PCDHGA1: variants seen among roughly 807,000 people sequenced by gnomAD.
PCDHGA1 encodes the protein protocadherin gamma-A1.
In PCDHGA1, 32 loss-of-function variants were observed where a neutral mutation model predicts 58.0. That is an observed-to-expected ratio of 0.55 (90% CI 0.42 to 0.74). The LOEUF is 0.74. PCDHGA1 is among the 30% of genes least tolerant of loss of function. The probability of loss-of-function intolerance (pLI) is 0.00; values close to 1 mark genes in which losing one functional copy is unlikely to be tolerated. For synonymous variants in PCDHGA1, 498 were observed against 501.1 expected (o/e 0.99, Z 0.08); for missense variants, 1,205 against 1,182.3 (o/e 1.02, Z -0.28).
intron 3 of PCDHGA1, among the ~76,000 whole-genome samples, chr5:141,509,568 C>T (rs535982453): frequency 3.3e-5 from 5 of 152,336 alleles, no homozygotes; most frequent in Admixed American, 2.0e-4. Flanking sequence ...GCAGCCTTCA[C>T]AGTGCGTACA....
Position 141,333,124 on chromosome 5 carries a change from T to A in PCDHGA1, c.2421+19T>A, listed in dbSNP as rs1756446741. ...TTCTCAGGTAAACTTTTGTGATGAA[T>A]GTATCAGCTATCTAGAGAAAAATAA... On this transcript the variant is annotated intron_variant, in intron 1 of 3. Coordinates refer to ENST00000517417, the MANE Select transcript of PCDHGA1 (RefSeq NM_018912.3). 1 of 1,614,144 alleles carries A rather than the reference T, an allele frequency of 6.2e-7. No individual in the cohort carries two copies. Among genetic ancestry groups the A allele is most frequent in the Middle Eastern group, 1.6e-4 (1 of 6,062 alleles).
chr5:141,371,704 C>A, intron 1 of PCDHGA1: 1 of 1,614,030 alleles, frequency 6.2e-7, no homozygotes, highest in Non-Finnish European at 8.5e-7. Context: ...TCCAGCAAGA[C>A]CATCACTCTG....
chr5:141,404,676 T>G lies in PCDHGA1; in HGVS notation c.2421+71571T>G, dbSNP rs904942152. The stretch of plus-strand genomic sequence containing the variant: ...CTCCCCACTGATGGTTCTACTGGTG[T>G]GGAGCTGGCACCCCGCTCTGCAGAG... On this transcript the variant is annotated intron_variant, in intron 1 of 3. Transcript: ENST00000517417. 3.1e-6 allele frequency: 5 copies of G among 1,614,010 alleles called. No individual in the cohort carries two copies. In the African/African-American group the frequency reaches 6.7e-5, roughly 22 times the overall value.
chr5:141,367,678 G>A (rs1215387701), intron 1 of PCDHGA1: 1 of 152,144 alleles, frequency 6.6e-6, no homozygotes, highest in Non-Finnish European at 1.5e-5. Context: ...GGCTTGTTGA[G>A]AGAAGAAATC....
At chr5:141,500,509 G>A (rs1048476645) in intron 2 of PCDHGA1, among the ~76,000 whole-genome samples, 19 of 152,100 alleles carry the variant, frequency 1.2e-4, no homozygotes, top group South Asian at 4.2e-4. Context: ...GCGCCTGGCC[G>A]AGCTTCATTT....
chr5:141,356,299 G>C (rs1226901970), intron 1 of PCDHGA1: 9 of 1,554,702 alleles, frequency 5.8e-6, no homozygotes, highest in Non-Finnish European at 7.0e-6. Flanking sequence ...TACAGTAATT[G>C]CACTTTTCAA....
chr5:141,333,497 A>G (rs1588440298), intron 1 of PCDHGA1: 4 of 305,118 alleles, frequency 1.3e-5, no homozygotes, highest in Non-Finnish European at 2.4e-5. Flanking sequence ...TTTTCTTTTT[A>G]TAAGTACCTG....
At chr5:141,417,851 G>A (rs1196210157) in intron 1 of PCDHGA1, 1 of 1,543,512 alleles carries the variant, frequency 6.5e-7, no homozygotes, top group Non-Finnish European at 8.8e-7. Flanking sequence ...GCGAGAACCC[G>A]AGCGAACGAT....
intron 1 of PCDHGA1, chr5:141,350,936 T>A: frequency 6.2e-7 from 1 of 1,614,102 alleles, no homozygotes; most frequent in Non-Finnish European, 8.5e-7. Context: ...CACCCATATC[T>A]GGATCCGAGT....
At chr5:141,388,655 G>A (rs375260597) in intron 1 of PCDHGA1, 1 of 1,613,808 alleles carries the variant, frequency 6.2e-7, no homozygotes, top group Non-Finnish European at 8.5e-7. Flanking sequence ...ACGTGTACCC[G>A]GGGACCACGG....
intron 1 of PCDHGA1, chr5:141,352,782 G>C (rs2149771321): frequency 9.0e-7 from 1 of 1,105,830 alleles, no homozygotes; most frequent in African/African-American, 1.6e-5. Context: ...TTGAGGTCAG[G>C]AGTTTGAGAC....
chr5:141,388,355 C>T (rs1204433407), intron 1 of PCDHGA1: 6 of 1,613,954 alleles, frequency 3.7e-6, no homozygotes, highest in Non-Finnish European at 5.1e-6. Flanking sequence ...TAGGATCTGC[C>T]CATGATGCGG....
intron 1 of PCDHGA1, chr5:141,390,019 G>T (rs1047341984): frequency 1.9e-6 from 3 of 1,614,002 alleles, no homozygotes; most frequent in Non-Finnish European, 2.5e-6. Flanking sequence ...ATTGCCTTGC[G>T]CCTGCGACGC....
intron 1 of PCDHGA1, chr5:141,383,561 C>A: frequency 5.0e-6 from 8 of 1,613,196 alleles, no homozygotes; most frequent in Non-Finnish European, 6.8e-6. Context: ...GGCGACCCGC[C>A]CCGATCCAGC....
chr5:141,357,501 C>G, intron 1 of PCDHGA1: 1 of 1,614,254 alleles, frequency 6.2e-7, no homozygotes, highest in South Asian at 1.1e-5. Context: ...GGAAGAGTCA[C>G]CTGATCTTCT....
chr5:141,414,613 G>A (rs957641063), intron 1 of PCDHGA1: 2 of 1,613,988 alleles, frequency 1.2e-6, no homozygotes, highest in East Asian at 4.5e-5. Flanking sequence ...CTCAGTGACA[G>A]CGCTGGACCC....
chr5:141,331,486 G>A lies in PCDHGA1; in HGVS notation c.802G>A (p.Asp268Asn), dbSNP rs762391117. The change falls in exon 1 of 4, where the codon GAC (aspartate) becomes AAC (asparagine). Residue 268 changes from aspartate (D) to asparagine (N), a missense_variant. Physicochemically the swap from Asp to Asn is conservative, Grantham distance 23. Transcript: ENST00000517417. Reference sequence around the variant, plus strand: ...TCAGCTGCTCATGGTAAATGCCACTGACCCTGATGAGGGAGCCAATGGGGA... The same window carrying A: ...TCAGCTGCTCATGGTAAATGCCACTAACCCTGATGAGGGAGCCAATGGGGA... ...GTQLLMVNAT[D>N]PDEGANGEVT... 1.4e-5 allele frequency: 23 copies of A among 1,614,208 alleles called. No homozygotes were observed. The highest frequency in any genetic ancestry group is 1.6e-4 in the Middle Eastern group (1 of 6,062).
intron 1 of PCDHGA1, chr5:141,370,747 A>G (rs780618979): frequency 1.2e-5 from 19 of 1,613,952 alleles, no homozygotes; most frequent in Middle Eastern, 3.3e-4. Context: ...AACTTTTTTC[A>G]TGTAACTGTG....
At chr5:141,339,238 G>C (rs754378451) in intron 1 of PCDHGA1, 1 of 1,614,270 alleles carries the variant, frequency 6.2e-7, no homozygotes, top group Admixed American at 1.7e-5. Context: ...CTGCGAACAG[G>C]ATAGACCGGG....
Sources: allele counts gnomAD v4.1 joint callset (sites outside exome capture counted in the v4.1 genomes callset), GRCh38; gene constraint gnomAD v4.1.1; transcripts MANE v1.5; gene names NCBI Gene and HGNC (gene_info 2026-07-23, HGNC 2026-07-21).